Variants in CFDP1 observed in about 807,000 individuals in gnomAD.
CFDP1 encodes chromatin remodeling protein CFDP1, also known as heterochromatin-stabilizing protein CFDP1.
In CFDP1, 31 loss-of-function variants were observed where a neutral mutation model predicts 40.1. The observed-to-expected ratio is 0.77, with a 90% CI of 0.58 to 1.04. The LOEUF is 1.04. Ranked by LOEUF, CFDP1 falls within the 50% of genes least tolerant of loss-of-function variation. The probability of loss-of-function intolerance (pLI) is 0.00; values close to 1 mark genes in which losing one functional copy is unlikely to be tolerated. For synonymous variants in CFDP1, 167 were observed against 120.0 expected, an observed-to-expected ratio of 1.39 and a Z score of -2.56; for missense variants, 423 against 343.4, an observed-to-expected ratio of 1.23 and a Z score of -1.83.
intron 1 of CFDP1, among the ~76,000 whole-genome samples, chr16:75,418,332 G>A: frequency 8.1e-6 from 1 of 123,908 alleles, no homozygotes; most frequent in Admixed American, 9.8e-5. Flanking sequence ...TTGAGACGCA[G>A]TCTCGCTCTG....
At chr16:75,370,169 T>A (rs929254239) in intron 5 of CFDP1, among the ~76,000 whole-genome samples, 1 of 151,934 alleles carries the variant, frequency 6.6e-6, no homozygotes, top group Non-Finnish European at 1.5e-5. Flanking sequence ...CTTGGCTCAC[T>A]GCAACCTCTG....
At chr16:75,418,446 A>G (rs1395290651) in intron 1 of CFDP1, among the ~76,000 whole-genome samples, 1 of 151,274 alleles carries the variant, frequency 6.6e-6, no homozygotes, top group Admixed American at 6.6e-5. Flanking sequence ...AGGTGGGACT[A>G]CAGGCGTGCA....
chr16:75,309,482 T>C lies in CFDP1; in HGVS notation c.651-4300A>G, dbSNP rs371098857. On this transcript the variant is annotated intron_variant, in intron 5 of 6. Transcript: ENST00000283882. ...CTGGCAGCTGTGTATATTGGAAAAC[T>C]GTAGAATGGGGAAGTCAGAATTCCC... Among the ~76,000 whole-genome samples, 12 of 150,976 alleles carry C rather than the reference T, an allele frequency of 7.9e-5. No individual in the cohort carries two copies. The East Asian group carries it at 1.4e-3, about 17-fold the overall frequency.
chr16:75,387,103 T>C (rs140448315), intron 5 of CFDP1, among the ~76,000 whole-genome samples: 96 of 151,772 alleles, frequency 6.3e-4, no homozygotes, highest in Non-Finnish European at 1.1e-3. Flanking sequence ...CTGAAGAACA[T>C]GAAGGTGAAA....
chr16:75,371,766 T>C (rs892415679), intron 5 of CFDP1, among the ~76,000 whole-genome samples: 5 of 152,214 alleles, frequency 3.3e-5, no homozygotes, highest in African/African-American at 9.6e-5. Flanking sequence ...AAAGGTTTCA[T>C]TTAGTAGGAA....
At chr16:75,373,097 T>G (rs2078765938) in intron 5 of CFDP1, among the ~76,000 whole-genome samples, 1 of 152,212 alleles carries the variant, frequency 6.6e-6, no homozygotes, top group Non-Finnish European at 1.5e-5. Flanking sequence ...ACACCTATGC[T>G]GGAGCAGCTA....
At position 75,305,149 on chromosome 16, in the gene CFDP1, C is replaced by T. The variant is rs750232477; in HGVS notation, c.684G>A (p.Leu228=). ...TCTGCTTCTTGGCACCAATTTTCCCCAAAAGGCTGCTCATGCCACTTGATC... is the reference window on the plus strand; with the variant it reads ...TCTGCTTCTTGGCACCAATTTTCCCTAAAAGGCTGCTCATGCCACTTGATC... The part of the protein sequence containing the change: ...LKRSSGMSSL[L]GKIGAKKQKM... The change falls in exon 6 of 7, where the codon TTG becomes TTA. Residue 228 remains leucine, a synonymous_variant. Coordinates refer to ENST00000283882, the MANE Select transcript of CFDP1 (RefSeq NM_006324.3). 7 of 1,614,110 alleles carry T rather than the reference C, an allele frequency of 4.3e-6. No individual in the cohort carries two copies. The highest frequency in any genetic ancestry group is 4.5e-5 in the East Asian group (2 of 44,884).
intron 1 of CFDP1, among the ~76,000 whole-genome samples, chr16:75,432,200 G>A (rs1331518014): frequency 6.0e-5 from 9 of 149,094 alleles, no homozygotes; most frequent in Admixed American, 2.0e-4. Context: ...ATGAGCCACC[G>A]CGCCAGGAAT....
chr16:75,412,488 T>G, intron 3 of CFDP1, 47 bp downstream of exon 3: 1 of 1,385,986 alleles, frequency 7.2e-7, no homozygotes, highest in Non-Finnish European at 1.0e-6. Flanking sequence ...CTCAGTAATG[T>G]AGGGTATTTC....
intron 5 of CFDP1, among the ~76,000 whole-genome samples, chr16:75,387,113 A>G (rs1396013960): frequency 6.6e-6 from 1 of 151,916 alleles, no homozygotes; most frequent in African/African-American, 2.4e-5. Flanking sequence ...TGAAGGTGAA[A>G]GTCAGGTACA....
intron 5 of CFDP1, among the ~76,000 whole-genome samples, chr16:75,361,645 A>G (rs2078679928): frequency 6.6e-6 from 1 of 152,030 alleles, no homozygotes; most frequent in Non-Finnish European, 1.5e-5. Context: ...AAAAAGACAC[A>G]CAAATCAACT....
intron 5 of CFDP1, among the ~76,000 whole-genome samples, chr16:75,327,787 G>A (rs192246012): frequency 1.8e-4 from 27 of 152,244 alleles, no homozygotes; most frequent in Non-Finnish European, 2.8e-4. Flanking sequence ...GCAATGGCGC[G>A]TTCTTGGCTC....
At chr16:75,318,936 A>T (rs2078344350) in intron 5 of CFDP1, among the ~76,000 whole-genome samples, 2 of 152,256 alleles carry the variant, frequency 1.3e-5, no homozygotes. Flanking sequence ...AAAACAAGTC[A>T]TGCCTGCCCC....
intron 6 of CFDP1, among the ~76,000 whole-genome samples, chr16:75,301,461 G>A (rs1015640231): frequency 2.7e-5 from 4 of 150,508 alleles, no homozygotes; most frequent in Admixed American, 1.3e-4. Context: ...GTGACAGCCT[G>A]CCCAGAGCCT....
chr16:75,373,988 C>T (rs2078772791), intron 5 of CFDP1, among the ~76,000 whole-genome samples: 1 of 152,134 alleles, frequency 6.6e-6, no homozygotes, highest in Non-Finnish European at 1.5e-5. Flanking sequence ...CACGGTGGCT[C>T]ACACCTGTAA....
chr16:75,318,589 A>G (rs1032950510), intron 5 of CFDP1, among the ~76,000 whole-genome samples: 1 of 151,978 alleles, frequency 6.6e-6, no homozygotes, highest in South Asian at 2.1e-4. Context: ...TATTTTTAGT[A>G]GAGACTGGGT....
intron 5 of CFDP1, among the ~76,000 whole-genome samples, chr16:75,327,198 C>G (rs2078408552): frequency 6.6e-6 from 1 of 152,064 alleles, no homozygotes; most frequent in Non-Finnish European, 1.5e-5. Flanking sequence ...ACCCGGGAGG[C>G]AGAGCTTGCA....
chr16:75,420,275 A>G (rs1325869026), intron 1 of CFDP1, among the ~76,000 whole-genome samples: 1 of 152,224 alleles, frequency 6.6e-6, no homozygotes, highest in Non-Finnish European at 1.5e-5. Context: ...AGTCACCACT[A>G]TAGTTATCAA....
At chr16:75,421,595 G>C (rs374629905) in intron 1 of CFDP1, among the ~76,000 whole-genome samples, 7 of 152,148 alleles carry the variant, frequency 4.6e-5, no homozygotes, top group African/African-American at 9.6e-5. Flanking sequence ...AACCAACTAA[G>C]AATCAGTATA....
Sources: allele counts gnomAD v4.1 joint callset (sites outside exome capture counted in the v4.1 genomes callset), GRCh38; gene constraint gnomAD v4.1.1; transcripts MANE v1.5; gene names NCBI Gene and HGNC (gene_info 2026-07-23, HGNC 2026-07-21).